The following SRGAP3 variants were observed in gnomAD, a reference collection of about 807,000 sequenced individuals.
SRGAP3 encodes the protein SLIT-ROBO Rho GTPase-activating protein 3.
SRGAP3 carries 39 observed loss-of-function variants against 121.1 expected under a neutral mutation model. That is an observed-to-expected ratio of 0.32 (90% CI 0.25 to 0.42). The LOEUF (loss-of-function observed/expected upper bound fraction) is 0.42. Among genes scored for constraint, SRGAP3 ranks in the 10% least tolerant of loss-of-function variants. The probability of loss-of-function intolerance (pLI) is 1.00; values close to 1 mark genes in which losing one functional copy is unlikely to be tolerated. For missense variants in SRGAP3, 1,213 were observed against 1,470.6 expected, an observed-to-expected ratio of 0.82 and a Z score of 2.86; for synonymous variants, 601 against 570.0, an observed-to-expected ratio of 1.05 and a Z score of -0.77.
rs149811039 is a variant in SRGAP3, at chr3:9,290,801, T to C, written n.442+35209A>G. Among the ~76,000 whole-genome samples the C allele has an allele frequency of 2.0e-3, 308 of 152,296 alleles. 1 individual carries two copies. Among genetic ancestry groups the C allele is most frequent in the African/African-American group, 7.0e-3 (290 of 41,560 alleles). On this transcript the variant is annotated intron_variant and non_coding_transcript_variant, in intron 3 of 3. Coordinates refer to the SRGAP3 transcript ENST00000490889. ...CTCCCAGAGCCGTGAGTCAGAGCAA[T>C]GCTTTCCTAACAGCTAATGAGACCA...
chr3:9,116,954 C>T (rs1223820405), intron 2 of SRGAP3, among the ~76,000 whole-genome samples: 1 of 152,230 alleles, frequency 6.6e-6, no homozygotes, highest in African/African-American at 2.4e-5. Flanking sequence ...CAGTACAGCA[C>T]TTGGTCCACG....
At chr3:9,212,695 CAG>C (rs1188977763) in intron 1 of SRGAP3, among the ~76,000 whole-genome samples, 14 of 152,270 alleles carry the variant, frequency 9.2e-5, no homozygotes, top group African/African-American at 3.4e-4. Flanking sequence ...CACCTGGTGA[CAG>C]AGAGAGACTC....
intron 1 of SRGAP3, among the ~76,000 whole-genome samples, chr3:9,243,763 A>G (rs1433708150): frequency 4.6e-5 from 7 of 152,230 alleles, no homozygotes; most frequent in Admixed American, 3.9e-4. Flanking sequence ...CCCCTCACCA[A>G]GGCTTCGTGC....
chr3:9,135,664 T>C (rs1168907911), intron 1 of SRGAP3, among the ~76,000 whole-genome samples: 4 of 152,246 alleles, frequency 2.6e-5, no homozygotes, highest in Admixed American at 6.5e-5. Flanking sequence ...ATTCTTATCT[T>C]GCAGGGTTGT....
chr3:9,286,664 G>A (rs543360278), intron 3 of SRGAP3, among the ~76,000 whole-genome samples: 10,682 of 151,640 alleles, frequency 0.07, 1,253 homozygotes, highest in African/African-American at 0.24. Context: ...GTGCAGTGGC[G>A]CGATCTCGGC....
At chr3:8,997,284 C>T (rs1210609518) in intron 18 of SRGAP3, among the ~76,000 whole-genome samples, 1 of 152,170 alleles carries the variant, frequency 6.6e-6, no homozygotes, top group Non-Finnish European at 1.5e-5. Context: ...AGGCCAATGC[C>T]CTGGCATGGC....
At chr3:9,273,218 T>C (rs190323170) in intron 3 of SRGAP3, among the ~76,000 whole-genome samples, 66 of 152,314 alleles carry the variant, frequency 4.3e-4, no homozygotes, top group African/African-American at 1.5e-3. Context: ...GCTGATCTGA[T>C]AGGAGGTGGA....
At chr3:9,099,366 T>G (rs1948118055) in intron 3 of SRGAP3, among the ~76,000 whole-genome samples, 1 of 152,170 alleles carries the variant, frequency 6.6e-6, no homozygotes, top group African/African-American at 2.4e-5. Context: ...GTAATTAAAT[T>G]CCACAGGCAT....
At chr3:9,112,036 G>C (rs1230914508) in intron 2 of SRGAP3, among the ~76,000 whole-genome samples, 2 of 152,200 alleles carry the variant, frequency 1.3e-5, no homozygotes, top group Non-Finnish European at 2.9e-5. Flanking sequence ...TGCAGCTAGG[G>C]GAGCCAGGCC....
rs185754437 is a variant in SRGAP3 at position 9,173,441 on chromosome 3, A to T, written c.68-48524T>A. On this transcript the variant is annotated intron_variant, in intron 1 of 21. Transcript: ENST00000383836. ...GAAAAGAAGGCGCAAACATAAAATA[A>T]AACAGTTCCTGCACTCAAGCCGCTC... 4.9e-3 allele frequency among the ~76,000 whole-genome samples: 747 copies of T among 152,326 alleles called. 5 individuals are homozygous for T. Among genetic ancestry groups the T allele is most frequent in the Non-Finnish European group, 5.6e-3 (379 of 68,024 alleles).
chr3:9,071,640 G>GTGGATGGA lies in SRGAP3; in HGVS notation c.487-7067_487-7060dup, dbSNP rs3067636. Among the ~76,000 whole-genome samples, 139 of 144,936 alleles carry GTGGATGGA rather than the reference G, an allele frequency of 9.6e-4. 1 individual carries two copies. Among genetic ancestry groups the GTGGATGGA allele is most frequent in the East Asian group, 4.0e-3 (19 of 4,802 alleles). On this transcript the variant is annotated intron_variant, in intron 4 of 21. Coordinates refer to ENST00000383836, the MANE Select transcript of SRGAP3 (RefSeq NM_014850.4). ...GTGGGAGAGAGACTGATTCTCAAAG[G>GTGGATGGA]TGGATGGATGGATGGATGGATGGAT... is the stretch of plus-strand genomic sequence containing the variant.
chr3:9,328,018 G>A (rs996171010), intron 2 of SRGAP3, among the ~76,000 whole-genome samples: 1 of 151,972 alleles, frequency 6.6e-6, no homozygotes, highest in Admixed American at 6.5e-5. Context: ...AAAATAAATT[G>A]AACAATTTTC....
At chr3:9,029,974 C>G (rs557101600) in intron 12 of SRGAP3, among the ~76,000 whole-genome samples, 94 of 103,964 alleles carry the variant, frequency 9.0e-4, no homozygotes, top group East Asian at 2.2e-3. Flanking sequence ...GATCCTGTCT[C>G]TACAAAAAAA....
At position 8,985,843 on chromosome 3, in the gene SRGAP3, C is replaced by T. The variant is rs1941671035; in HGVS notation, c.2976G>A (p.Leu992=). The T allele has an allele frequency of 1.9e-6, 3 of 1,600,348 alleles. No homozygotes were observed. The East Asian group carries it at 6.7e-5, about 36-fold the overall frequency. Residue 992 remains leucine (L), a synonymous_variant, in exon 22 of 22, where the codon CTG becomes CTA. Coordinates refer to ENST00000383836, the MANE Select transcript of SRGAP3 (RefSeq NM_014850.4). The surrounding 1 kb of genome is among the most constrained non-coding windows in gnomAD (Gnocchi z 5.1). ...NTVKQAPDVV[L]DTLEPLKNPP... ...GGTTCTTCAGGGGCTCCAGGGTGTC[C>T]AGCACCACATCTGGCGCCTGCTTGA...
intron 1 of SRGAP3, among the ~76,000 whole-genome samples, chr3:9,338,691 A>T (rs1025425328): frequency 6.6e-6 from 1 of 152,230 alleles, no homozygotes; most frequent in African/African-American, 2.4e-5. Context: ...CTCTGCACTG[A>T]ATAGTGTTAA....
intron 3 of SRGAP3, among the ~76,000 whole-genome samples, chr3:9,271,651 T>C (rs1954480159): frequency 6.6e-6 from 1 of 152,190 alleles, no homozygotes; most frequent in South Asian, 2.1e-4. Flanking sequence ...TTGGGGTCTG[T>C]TCTCCAGGGA....
At chr3:9,276,495 G>A (rs940201943) in intron 3 of SRGAP3, among the ~76,000 whole-genome samples, 3 of 150,474 alleles carry the variant, frequency 2.0e-5, no homozygotes, top group Non-Finnish European at 4.4e-5. Context: ...GCGCAATCTC[G>A]GCTCACTGCA....
At chr3:9,362,844 T>C (rs1337026561) in exon 1 of SRGAP3, 1 of 152,164 alleles carries the variant, frequency 6.6e-6, no homozygotes, top group Non-Finnish European at 1.5e-5. Context: ...GCTTACCCAG[T>C]GCTCGGCAAG....
intron 3 of SRGAP3, among the ~76,000 whole-genome samples, chr3:9,280,056 A>T (rs756406683): frequency 2.4e-4 from 37 of 152,332 alleles, no homozygotes; most frequent in Non-Finnish European, 4.1e-4. Context: ...GGGCCAGCCC[A>T]GCAGGCAAAG....
Sources: gnomAD v4.1 joint callset for allele counts (sites outside exome capture counted in the v4.1 genomes callset) on GRCh38, gnomAD v4.1.1 for gene constraint, Gnocchi (gnomAD v3.1) non-coding constraint, MANE v1.5 for transcripts, NCBI Gene and HGNC (gene_info 2026-07-23, HGNC 2026-07-21) for gene names.